RCN1: variants seen among roughly 807,000 people sequenced by gnomAD.
The protein encoded by RCN1 is reticulocalbin-1.
A neutral mutation model predicts 34.7 loss-of-function variants in RCN1; 14 were observed. That is an observed-to-expected ratio of 0.40 (90% CI 0.27 to 0.63). The LOEUF is 0.63. Among genes scored for constraint, RCN1 ranks in the 30% least tolerant of loss-of-function variants. The pLI, the probability that RCN1 is intolerant of heterozygous loss-of-function variation, is 0.37. For synonymous variants in RCN1, 125 were observed against 165.5 expected, an observed-to-expected ratio of 0.76 and a Z score of 1.88; for missense variants, 326 against 425.1, an observed-to-expected ratio of 0.77 and a Z score of 2.05.
chr11:32,103,786 G>A (rs1314233328), intron 5 of RCN1, among the ~76,000 whole-genome samples: 2 of 152,130 alleles, frequency 1.3e-5, no homozygotes, highest in African/African-American at 4.8e-5. Context: ...TGTTGCCCTA[G>A]GATCAGCTTA....
intron 4 of RCN1, 92 bp from the exon 5 acceptor site, chr11:32,103,189 C>G (rs1190663487): frequency 8.5e-7 from 1 of 1,171,906 alleles, no homozygotes; most frequent in Non-Finnish European, 1.3e-6. Flanking sequence ...GTCGCCTTTC[C>G]TAAAGCTCAG....
Position 32,097,416 on chromosome 11 carries a change from T to C in RCN1, c.448+79T>C, listed in dbSNP as rs979173547. ...TTGTAGACTCTCTCTTCTCTTATCA[T>C]ATCCACTCCCTTCAGGGAGATGTCA... On this transcript the variant is annotated intron_variant, in intron 2 of 5. Transcript: ENST00000054950. 10 of 1,034,998 alleles carry C rather than the reference T, an allele frequency of 9.7e-6. No homozygotes were observed. In the Admixed American group the frequency reaches 1.3e-4, roughly 13 times the overall value. The allele number at this position is 1,034,998 out of a possible 1,614,324, so 64.1% of individuals were successfully genotyped here.
chr11:32,100,135 C>G (rs1175665194), intron 3 of RCN1, among the ~76,000 whole-genome samples: 1 of 152,200 alleles, frequency 6.6e-6, no homozygotes, highest in African/African-American at 2.4e-5. Context: ...TCTCTTGACA[C>G]CAACTCAGTA....
At chr11:32,092,973 T>C (rs1461395619) in intron 1 of RCN1, among the ~76,000 whole-genome samples, 1 of 152,230 alleles carries the variant, frequency 6.6e-6, no homozygotes, top group African/African-American at 2.4e-5. Flanking sequence ...ACCTTTTATC[T>C]TGCAGAGTAC....
At chr11:32,097,013 T>C (rs1428960009) in intron 1 of RCN1, 131 bp from the exon 2 acceptor site, 1 of 659,750 alleles carries the variant, frequency 1.5e-6, no homozygotes, top group Admixed American at 3.6e-5. Context: ...ATTGATTCTG[T>C]TGTAGTTGTA....
At chr11:32,102,018 G>A (rs1404640184) in intron 4 of RCN1, 2 of 152,178 alleles carry the variant, frequency 1.3e-5, no homozygotes, top group African/African-American at 4.8e-5. Context: ...TAGGGAGAGG[G>A]AGGTGGAGGC....
intron 5 of RCN1, among the ~76,000 whole-genome samples, chr11:32,103,967 T>A (rs923326457): frequency 4.6e-5 from 7 of 152,164 alleles, no homozygotes; most frequent in Non-Finnish European, 7.4e-5. Context: ...ATCAATACAT[T>A]TAGAAAAATG....
At position 32,104,362 on chromosome 11, in the gene RCN1, T is replaced by C. The variant is rs761650135; in HGVS notation, c.889-3T>C. The C allele has an allele frequency of 6.5e-7, 1 of 1,548,052 alleles. No individual in the cohort carries two copies. Among genetic ancestry groups the C allele is most frequent in the Non-Finnish European group, 8.9e-7 (1 of 1,120,118 alleles). On this transcript the variant is annotated splice_polypyrimidine_tract_variant and splice_region_variant and intron_variant, in intron 5 of 5. Coordinates refer to ENST00000054950, the MANE Select transcript of RCN1 (RefSeq NM_002901.4). ...TGACAGTGCTCTTTGATCTCTTCTA[T>C]AGGATGAGAAGCTAACTAAAGAGGA...
chr11:32,099,331 A>T (rs1852009458), intron 3 of RCN1, among the ~76,000 whole-genome samples: 1 of 152,220 alleles, frequency 6.6e-6, no homozygotes, highest in East Asian at 1.9e-4. Flanking sequence ...AAAAAAAAAA[A>T]AAAGAAAGAG....
intron 4 of RCN1, among the ~76,000 whole-genome samples, chr11:32,101,254 A>AC (rs35579815): frequency 7.0e-6 from 1 of 143,672 alleles, no homozygotes; most frequent in Non-Finnish European, 1.5e-5. Flanking sequence ...CCCCAGCCCA[A>AC]CCCCCCGCTA....
intron 5 of RCN1, 40 bp downstream of exon 5, chr11:32,103,520 C>A: frequency 6.4e-7 from 1 of 1,559,168 alleles, no homozygotes; most frequent in Non-Finnish European, 8.8e-7. Context: ...TGAAGGGAGA[C>A]AGTTTACATA....
Position 32,091,078 on chromosome 11 carries a change from C to T in RCN1, c.-119C>T. ...GCACTGGCGGAGGGACTGGCCAGTC[C>T]CCTCCTCCGCGCCGGCCCCAACCCT... On this transcript the variant is annotated 5_prime_UTR_variant, in exon 1 of 6. Coordinates refer to ENST00000054950, the MANE Select transcript of RCN1 (RefSeq NM_002901.4). 1.7e-6 allele frequency: 2 copies of T among 1,191,514 alleles called. No homozygotes were observed. The highest frequency in any genetic ancestry group is 2.2e-6 in the Non-Finnish European group (2 of 914,008). 73.8% of individuals were successfully genotyped at this position (1,191,514 alleles called of 1,614,324 possible).
chr11:32,098,538 G>A lies in RCN1; in HGVS notation c.627+10G>A, dbSNP rs370620780. ...GGAAATTGTGGTTTTGGTAAGATAA[G>A]TGAAGAGTCTGGGCTGGGAAGAGAC... On this transcript the variant is annotated intron_variant, in intron 3 of 5. Coordinates refer to ENST00000054950, the MANE Select transcript of RCN1 (RefSeq NM_002901.4). 1.2e-6 allele frequency: 2 copies of A among 1,603,668 alleles called. No individual in the cohort carries two copies. Among genetic ancestry groups the A allele is most frequent in the Admixed American group, 1.7e-5 (1 of 58,450 alleles).
chr11:32,100,872 G>A (rs1195204134), intron 4 of RCN1, among the ~76,000 whole-genome samples: 3 of 152,130 alleles, frequency 2.0e-5, no homozygotes, highest in African/African-American at 7.2e-5. Flanking sequence ...GACTCTGAGA[G>A]GTGCCCTTCA....
In RCN1 at chr11:32,100,997, A is replaced by G. The variant is rs543921750; in HGVS notation, c.688+389A>G. On this transcript the variant is annotated intron_variant, in intron 4 of 5. Transcript: ENST00000054950. Reference sequence around the variant, plus strand: ...CTCTAAAACTGGACTGGGTCAATGGAGCCTAGAAACTCTGAGTAGATGCAG... The same window carrying G: ...CTCTAAAACTGGACTGGGTCAATGGGGCCTAGAAACTCTGAGTAGATGCAG... Among the ~76,000 whole-genome samples the G allele has an allele frequency of 4.1e-4, 62 of 152,330 alleles. 1 individual carries two copies. The highest frequency in any genetic ancestry group is 1.4e-3 in the African/African-American group (58 of 41,568).
Position 32,098,380 on chromosome 11 carries a change from A to T in RCN1, c.479A>T (p.Asp160Val). 1 of 1,613,452 alleles carries T rather than the reference A, an allele frequency of 6.2e-7. No individual in the cohort carries two copies. Among genetic ancestry groups the T allele is most frequent in the Non-Finnish European group, 8.5e-7 (1 of 1,179,848 alleles). ...CCCGCAGAGTTTCATGATTCTTCAG[A>T]TCATCACACCTTTAAAAAGATGCTG... ...GNPAEFHDSSDHHTFKKMLPR... is the reference protein window; with the variant it reads ...GNPAEFHDSSVHHTFKKMLPR... The change falls in exon 3 of 6, where the codon GAT (aspartate) becomes GTT (valine). Residue 160 changes from aspartate (D) to valine (V), a missense_variant. Physicochemically the swap from Asp to Val is radical, Grantham distance 152. Transcript: ENST00000054950.
chr11:32,100,051 A>C (rs1419472171), intron 3 of RCN1, among the ~76,000 whole-genome samples: 1 of 152,276 alleles, frequency 6.6e-6, no homozygotes, highest in Admixed American at 6.5e-5. Flanking sequence ...GAGGTCAAGT[A>C]TACTAAATAC....
At position 32,104,383 on chromosome 11, in the gene RCN1, G is replaced by C; in HGVS notation, c.907G>C (p.Glu303Gln). The C allele has an allele frequency of 6.4e-7, 1 of 1,574,442 alleles. No individual in the cohort carries two copies. The highest frequency in any genetic ancestry group is 8.7e-7 in the Non-Finnish European group (1 of 1,144,440). ...TCTATAGGATGAGAAGCTAACTAAA[G>C]AGGAAATATTGGAGAACTGGAACAT... ...DKNKDEKLTK[E>Q]EILENWNMFV... The change falls in exon 6 of 6, where the codon GAG (glutamate) becomes CAG (glutamine). Residue 303 changes from glutamate to glutamine, a missense_variant. Glu to Gln is a conservative substitution (Grantham distance 29). Coordinates refer to ENST00000054950, the MANE Select transcript of RCN1 (RefSeq NM_002901.4).
rs1225876908 is a variant in RCN1 at position 32,097,206 on chromosome 11, C to T, written c.317C>T (p.Thr106Ile). The T allele has an allele frequency of 6.3e-6, 10 of 1,599,194 alleles. No homozygotes were observed. The highest frequency in any genetic ancestry group is 8.5e-6 in the Non-Finnish European group (10 of 1,175,570). ...TTTGTCACTACTGAGGAGCTGAAAA[C>T]CTGGATCAAACGGGTGCAGAAAAGA... ...DGFVTTEELK[T>I]WIKRVQKRYI... The change falls in exon 2 of 6, where the codon ACC becomes ATC. Residue 106 changes from threonine to isoleucine, a missense_variant. Physicochemically the swap from Thr to Ile is moderately conservative, Grantham distance 89. Transcript: ENST00000054950.
Sources: gnomAD v4.1 joint callset for allele counts (sites outside exome capture counted in the v4.1 genomes callset) on GRCh38, gnomAD v4.1.1 for gene constraint, MANE v1.5 for transcripts, NCBI Gene and HGNC (gene_info 2026-07-23, HGNC 2026-07-21) for gene names.